Variants in SLC25A24 observed in about 807,000 individuals in gnomAD.
The protein encoded by SLC25A24 is solute carrier family 25 member 24.
SLC25A24 carries 49 observed loss-of-function variants against 60.7 expected under a neutral mutation model. The ratio of observed to expected loss-of-function variants is 0.81; its 90% CI spans 0.64 to 1.02. The LOEUF is 1.02. Among genes scored for constraint, SLC25A24 ranks in the 50% least tolerant of loss-of-function variants. The probability of loss-of-function intolerance (pLI) is 0.00; values close to 1 mark genes in which losing one functional copy is unlikely to be tolerated. For missense variants in SLC25A24, 564 were observed against 586.3 expected, an observed-to-expected ratio of 0.96 and a Z score of 0.39; for synonymous variants, 202 against 200.6, an observed-to-expected ratio of 1.01 and a Z score of -0.06.
In SLC25A24 at chr1:108,134,143, G is replaced by A. The variant is rs1446256759; in HGVS notation, c.*2510C>T. 2.0e-5 allele frequency: 3 copies of A among 152,226 alleles called. No individual in the cohort carries two copies. Among genetic ancestry groups the A allele is most frequent in the African/African-American group, 7.2e-5 (3 of 41,450 alleles). The allele number at this position is 152,226 out of a possible 1,614,324, so 9.4% of individuals were successfully genotyped here. On this transcript the variant is annotated 3_prime_UTR_variant, in exon 10 of 10. Coordinates refer to ENST00000565488, the MANE Select transcript of SLC25A24 (RefSeq NM_013386.5). ...TAACAAAGATTCCCTGAGAACAGAG[G>A]AGCAGATGCTGGCAATTGCACACAG...
At chr1:108,139,339 A>G in intron 8 of SLC25A24, 131 bp from the exon 9 acceptor site, 1 of 911,394 alleles carries the variant, frequency 1.1e-6, no homozygotes, top group African/African-American at 1.7e-5. Context: ...CAGAAGCAGC[A>G]GGCACTGCAG....
intron 3 of SLC25A24, among the ~76,000 whole-genome samples, chr1:108,168,420 T>C (rs1488067581): frequency 1.3e-5 from 2 of 152,220 alleles, no homozygotes; most frequent in African/African-American, 4.8e-5. Context: ...TTTTTTTTAA[T>C]TTCATTCAAA....
At chr1:108,139,743 C>T (rs2101595997) in intron 8 of SLC25A24, among the ~76,000 whole-genome samples, 1 of 152,224 alleles carries the variant, frequency 6.6e-6, no homozygotes, top group Admixed American at 6.5e-5. Flanking sequence ...TCCTGAGTAG[C>T]TTGGATTACA....
intron 4 of SLC25A24, among the ~76,000 whole-genome samples, chr1:108,160,633 A>G (rs564039406): frequency 1.3e-5 from 2 of 152,334 alleles, no homozygotes; most frequent in African/African-American, 4.8e-5. Context: ...AGCCGAGATC[A>G]TGCCACTGCA....
intron 1 of SLC25A24, among the ~76,000 whole-genome samples, chr1:108,196,578 T>C (rs577584665): frequency 6.6e-6 from 1 of 152,224 alleles, no homozygotes; most frequent in Non-Finnish European, 1.5e-5. Flanking sequence ...TGGGCTGCTA[T>C]GACAAAAATA....
chr1:108,139,034 G>A, intron 9 of SLC25A24, 24 bp downstream of exon 9: 1 of 1,545,974 alleles, frequency 6.5e-7, no homozygotes, highest in East Asian at 2.4e-5. Context: ...TTTTATCGGT[G>A]TGGTTCTGTA....
chr1:108,135,456 A>G lies in SLC25A24; in HGVS notation c.*1197T>C, dbSNP rs1433671188. On this transcript the variant is annotated 3_prime_UTR_variant, in exon 10 of 10. Transcript: ENST00000565488. ...ATTTTTCTAAGTTCTAATCACACAA[A>G]TAAGAAAAGATAGTTGACTATAAAA... The G allele has an allele frequency of 6.6e-6, 1 of 152,488 alleles. No individual in the cohort carries two copies. Among genetic ancestry groups the G allele is most frequent in the Admixed American group, 6.5e-5 (1 of 15,284 alleles). The allele number at this position is 152,488 out of a possible 1,614,324, so 9.4% of individuals were successfully genotyped here.
intron 8 of SLC25A24, among the ~76,000 whole-genome samples, chr1:108,142,135 A>C (rs1679459660): frequency 1.3e-5 from 2 of 152,320 alleles, no homozygotes; most frequent in African/African-American, 2.4e-5. Flanking sequence ...AAGTGTTAAT[A>C]AGGACGTGGA....
At chr1:108,168,089 A>G (rs1035280671) in intron 3 of SLC25A24, among the ~76,000 whole-genome samples, 12 of 152,202 alleles carry the variant, frequency 7.9e-5, no homozygotes, top group Non-Finnish European at 1.8e-4. Flanking sequence ...GCATCCTACA[A>G]ATTTTATTCT....
At chr1:108,197,998 A>T (rs1648546862) in intron 1 of SLC25A24, among the ~76,000 whole-genome samples, 2 of 152,080 alleles carry the variant, frequency 1.3e-5, no homozygotes, top group South Asian at 4.2e-4. Context: ...AGTTCCCTCG[A>T]GGCTGGGTTG....
chr1:108,178,799 T>G lies in SLC25A24; in HGVS notation c.398+3142A>C, dbSNP rs1406767621. 9.3e-5 allele frequency among the ~76,000 whole-genome samples: 14 copies of G among 150,548 alleles called. No individual in the cohort carries two copies. The East Asian group carries it at 2.5e-3, about 27-fold the overall frequency. On this transcript the variant is annotated intron_variant, in intron 3 of 9. Transcript: ENST00000565488. ...ACAGCACTCAAGCTCGAGGACAGAG[T>G]GAGACTCCGTCTCAAAAAAAAAAAC...
At chr1:108,174,438 T>G (rs973257256) in intron 3 of SLC25A24, among the ~76,000 whole-genome samples, 1 of 152,130 alleles carries the variant, frequency 6.6e-6, no homozygotes, top group African/African-American at 2.4e-5. Context: ...AGAGGATGTA[T>G]GGAAATGCCT....
intron 9 of SLC25A24, 103 bp downstream of exon 9, chr1:108,138,955 C>A: frequency 8.5e-7 from 1 of 1,178,796 alleles, no homozygotes; most frequent in Non-Finnish European, 1.1e-6. Context: ...TTGAGAAATA[C>A]TGTCTTAAAA....
rs1184896415 is a variant in SLC25A24 at position 108,190,754 on chromosome 1, G to C, written c.184-4800C>G. Among the ~76,000 whole-genome samples the C allele has an allele frequency of 4.3e-5, 4 of 92,872 alleles. 1 individual carries two copies. Among genetic ancestry groups the C allele is most frequent in the Non-Finnish European group, 9.9e-5 (4 of 40,532 alleles). The allele number at this position is 92,872 out of a possible 152,430, so 60.9% of individuals were successfully genotyped here. On this transcript the variant is annotated intron_variant, in intron 1 of 9. Transcript: ENST00000565488. ...ATAAACAAATTTTCCTACTGGGGAG[G>C]TGGAGACGTGTGGGAAGAGACCTCA...
chr1:108,150,065 T>C (rs1679715752), intron 6 of SLC25A24, among the ~76,000 whole-genome samples: 1 of 152,218 alleles, frequency 6.6e-6, no homozygotes, highest in African/African-American at 2.4e-5. Flanking sequence ...CTATTAATTT[T>C]CCTGCATGTC....
chr1:108,174,601 T>G (rs1647606437), intron 3 of SLC25A24, among the ~76,000 whole-genome samples: 1 of 152,038 alleles, frequency 6.6e-6, no homozygotes, highest in South Asian at 2.1e-4. Context: ...GCCACCATCC[T>G]CCAGTACCCA....
chr1:108,176,137 A>T (rs1647666442), intron 3 of SLC25A24, among the ~76,000 whole-genome samples: 1 of 152,182 alleles, frequency 6.6e-6, no homozygotes, highest in Admixed American at 6.5e-5. Context: ...AATTAGGAAA[A>T]TAACGAGTGA....
intron 6 of SLC25A24, among the ~76,000 whole-genome samples, chr1:108,154,134 G>A (rs1356980614): frequency 3.6e-5 from 5 of 139,510 alleles, no homozygotes; most frequent in Non-Finnish European, 3.0e-5. Flanking sequence ...ACTGGACTTC[G>A]TAAACTTCTC....
At chr1:108,187,927 G>GATAGATAGATATATAGATAT in intron 1 of SLC25A24, among the ~76,000 whole-genome samples, 1 of 95,748 alleles carries the variant, frequency 1.0e-5, no homozygotes. Context: ...AGACATTATA[G>GATAGATAGATATATAGATAT]ATATATATAT....
Sources: allele counts gnomAD v4.1 joint callset (sites outside exome capture counted in the v4.1 genomes callset), GRCh38; gene constraint gnomAD v4.1.1; transcripts MANE v1.5; gene names NCBI Gene and HGNC (gene_info 2026-07-23, HGNC 2026-07-21).